The following PCDH15 variants were observed in gnomAD, a reference collection of about 807,000 sequenced individuals.
PCDH15 encodes the protein protocadherin-15.
A neutral mutation model predicts 178.5 loss-of-function variants in PCDH15; 129 were observed. That is an observed-to-expected ratio of 0.72 (90% CI 0.63 to 0.84). PCDH15 has a LOEUF of 0.84. Ranked by LOEUF, PCDH15 falls within the 40% of genes least tolerant of loss-of-function variation. PCDH15 has a pLI of 0.00. For missense variants in PCDH15, 2,230 were observed against 2,099.9 expected, an observed-to-expected ratio of 1.06 and a Z score of -1.21; for synonymous variants, 800 against 732.0, an observed-to-expected ratio of 1.09 and a Z score of -1.50.
At chr10:54,616,402 T>G (rs1158768815) in intron 2 of PCDH15, among the ~76,000 whole-genome samples, 1 of 152,062 alleles carries the variant, frequency 6.6e-6, no homozygotes, top group African/African-American at 2.4e-5. Context: ...TAGAACTGCT[T>G]CTTTGGAGGC....
intron 1 of PCDH15, among the ~76,000 whole-genome samples, chr10:54,677,492 C>G (rs779974576): frequency 6.6e-6 from 1 of 151,752 alleles, no homozygotes; most frequent in Non-Finnish European, 1.5e-5. Context: ...TGTGTGCGTG[C>G]GTGTCAGGTT....
chr10:54,313,455 C>T (rs550257509), intron 8 of PCDH15, among the ~76,000 whole-genome samples: 1 of 152,134 alleles, frequency 6.6e-6, no homozygotes, highest in South Asian at 2.1e-4. Flanking sequence ...TTTGCCCATA[C>T]TCTCTGAAAA....
intron 3 of PCDH15, among the ~76,000 whole-genome samples, chr10:54,855,297 A>G (rs1564572824): frequency 6.6e-6 from 1 of 152,150 alleles, no homozygotes; most frequent in Non-Finnish European, 1.5e-5. Context: ...CTGCAGCTGC[A>G]TCCAGGAGGA....
chr10:55,203,464 A>T (rs1840309128), intron 1 of PCDH15, among the ~76,000 whole-genome samples: 1 of 152,056 alleles, frequency 6.6e-6, no homozygotes, highest in African/African-American at 2.4e-5. Context: ...TGAAACAGAA[A>T]ATACGATATT....
chr10:55,197,297 T>C (rs1480710969), intron 1 of PCDH15, among the ~76,000 whole-genome samples: 1 of 152,112 alleles, frequency 6.6e-6, no homozygotes, highest in Non-Finnish European at 1.5e-5. Flanking sequence ...ATAACCCTGA[T>C]ATTTTTATCT....
chr10:54,388,481 G>C (rs1950174182), intron 3 of PCDH15, among the ~76,000 whole-genome samples: 1 of 152,144 alleles, frequency 6.6e-6, no homozygotes, highest in Admixed American at 6.5e-5. Flanking sequence ...ATTCAGGAGA[G>C]GGCATGCCTT....
At chr10:54,723,183 C>A (rs568216391) in intron 1 of PCDH15, among the ~76,000 whole-genome samples, 2 of 151,438 alleles carry the variant, frequency 1.3e-5, no homozygotes, top group East Asian at 3.9e-4. Flanking sequence ...AGATAGCATG[C>A]TACTAGTACA....
Position 54,780,900 on chromosome 10 carries a change from C to A in PCDH15, c.-29+20025G>T, listed in dbSNP as rs1044143804. 5.5e-4 allele frequency among the ~76,000 whole-genome samples: 83 copies of A among 152,004 alleles called. 1 individual carries two copies. Among genetic ancestry groups the A allele is most frequent in the Non-Finnish European group, 1.1e-3 (76 of 67,974 alleles). On this transcript the variant is annotated intron_variant, in intron 1 of 37. Transcript: ENST00000644397. The stretch of plus-strand genomic sequence containing the variant: ...AAACTAAATCAGAAACTTAAAATGG[C>A]CCAATAAAATGTAAAGCTCCTTAGA...
chr10:54,875,153 C>T (rs1468918590), intron 3 of PCDH15, among the ~76,000 whole-genome samples: 1 of 152,126 alleles, frequency 6.6e-6, no homozygotes, highest in Non-Finnish European at 1.5e-5. Flanking sequence ...TGTGGTAGTT[C>T]TCACAATATT....
chr10:53,857,366 G>A, intron 27 of PCDH15, 103 bp from the exon 28 acceptor site: 1 of 824,944 alleles, frequency 1.2e-6, no homozygotes, highest in Non-Finnish European at 2.1e-6. Context: ...TAGACACAGT[G>A]GTTTCTGATT....
chr10:55,010,081 A>G (rs745449183), intron 2 of PCDH15, among the ~76,000 whole-genome samples: 4 of 152,174 alleles, frequency 2.6e-5, no homozygotes, highest in Admixed American at 6.5e-5. Context: ...AAATGAGAAG[A>G]CTATTGTTCA....
At chr10:54,390,283 CTTTTGTTTTGTTTTG>C (rs71007847) in intron 3 of PCDH15, among the ~76,000 whole-genome samples, 53 of 150,734 alleles carry the variant, frequency 3.5e-4, no homozygotes, top group African/African-American at 1.1e-3. Context: ...TGACCTATAC[CTTTTGTTTTGTTTTG>C]TTTTGTTTTG....
chr10:55,205,263 G>C (rs1840365693), intron 1 of PCDH15, among the ~76,000 whole-genome samples: 1 of 151,890 alleles, frequency 6.6e-6, no homozygotes. Context: ...AGATATCTAT[G>C]ATAATATAAA....
intron 7 of PCDH15, among the ~76,000 whole-genome samples, chr10:54,323,617 G>T (rs1316677870): frequency 6.6e-6 from 1 of 152,096 alleles, no homozygotes; most frequent in African/African-American, 2.4e-5. Flanking sequence ...TGCAGCAACA[G>T]AAAACTAAAT....
At chr10:55,563,766 A>G (rs1022445641) in intron 2 of PCDH15, among the ~76,000 whole-genome samples, 1 of 151,938 alleles carries the variant, frequency 6.6e-6, no homozygotes, top group Non-Finnish European at 1.5e-5. Flanking sequence ...CAAAATGAAA[A>G]TATCAATAGA....
chr10:54,411,620 A>G (rs535434003), intron 3 of PCDH15, among the ~76,000 whole-genome samples: 1 of 152,304 alleles, frequency 6.6e-6, no homozygotes, highest in African/African-American at 2.4e-5. Flanking sequence ...ACTAGAAAAT[A>G]GTAAACACGT....
chr10:55,061,229 C>G (rs1321806545), intron 2 of PCDH15, among the ~76,000 whole-genome samples: 1 of 152,082 alleles, frequency 6.6e-6, no homozygotes, highest in Non-Finnish European at 1.5e-5. Flanking sequence ...AAAAGTAAGA[C>G]ATCCAATTTA....
chr10:55,063,242 A>G (rs535850865), intron 2 of PCDH15, among the ~76,000 whole-genome samples: 1 of 152,274 alleles, frequency 6.6e-6, no homozygotes, highest in East Asian at 1.9e-4. Flanking sequence ...TCTACAACTT[A>G]AAAAACCTGG....
chr10:54,345,090 T>C (rs1178666030), intron 6 of PCDH15, among the ~76,000 whole-genome samples: 1 of 151,492 alleles, frequency 6.6e-6, no homozygotes, highest in Non-Finnish European at 1.5e-5. Flanking sequence ...GATTTTACAG[T>C]TCAGAAGTAG....
Sources: allele counts gnomAD v4.1 joint callset (sites outside exome capture counted in the v4.1 genomes callset), GRCh38; gene constraint gnomAD v4.1.1; transcripts MANE v1.5; gene names NCBI Gene and HGNC (gene_info 2026-07-23, HGNC 2026-07-21).